The following MALT1 variants were observed in gnomAD, a reference collection of about 807,000 sequenced individuals.
The protein encoded by MALT1 is MALT1 paracaspase, also known as mucosa-associated lymphoid tissue lymphoma translocation protein 1.
In MALT1, 36 loss-of-function variants were observed where a neutral mutation model predicts 85.5. The observed-to-expected ratio is 0.42, with a 90% CI of 0.32 to 0.56. The LOEUF (loss-of-function observed/expected upper bound fraction) is 0.56, where lower values mean the gene tolerates loss of function less well. Among genes scored for constraint, MALT1 ranks in the 20% least tolerant of loss-of-function variants. The probability of loss-of-function intolerance (pLI) is 0.10; values close to 1 mark genes in which losing one functional copy is unlikely to be tolerated. For missense variants in MALT1, 716 were observed against 981.6 expected (o/e 0.73, Z 3.62); for synonymous variants, 359 against 361.3 (o/e 0.99, Z 0.07).
In MALT1 at chr18:58,680,929, C is replaced by CAAA. The variant is rs1165265799; in HGVS notation, c.210-217_210-215dup. ...TGGGCGACAGAGCGAGACTCCGTCT[C>CAAA]AAAAAAAAAAAAAAAAAAAAAAAAA... On this transcript the variant is annotated intron_variant, in intron 1 of 16. Coordinates refer to ENST00000649217, the MANE Select transcript of MALT1 (RefSeq NM_006785.4). Among the ~76,000 whole-genome samples the CAAA allele has an allele frequency of 1.8e-4, 12 of 67,220 alleles. 1 individual carries two copies. Among genetic ancestry groups the CAAA allele is most frequent in the East Asian group, 4.4e-4 (1 of 2,250 alleles). 44.1% of individuals were successfully genotyped at this position (67,220 alleles called of 152,430 possible).
At chr18:58,726,999 T>A (rs1471510940) in intron 10 of MALT1, among the ~76,000 whole-genome samples, 2 of 152,342 alleles carry the variant, frequency 1.3e-5, no homozygotes, top group Admixed American at 6.5e-5. Context: ...CTTTAACTTT[T>A]CTAAGCCAAA....
intron 1 of MALT1, among the ~76,000 whole-genome samples, chr18:58,676,358 C>T (rs2054239497): frequency 1.3e-5 from 2 of 151,936 alleles, no homozygotes; most frequent in South Asian, 4.1e-4. Flanking sequence ...TAGATAGACC[C>T]CATTAAAAAA....
chr18:58,672,152 A>AG (rs2054172940), intron 1 of MALT1: 1 of 271,970 alleles, frequency 3.7e-6, no homozygotes, highest in African/African-American at 2.3e-5. Flanking sequence ...TTGACCCCGG[A>AG]GGATAGTGAG....
intron 12 of MALT1, chr18:58,734,611 A>G (rs2055199688): frequency 4.3e-6 from 2 of 469,760 alleles, no homozygotes; most frequent in Admixed American, 3.3e-5. Flanking sequence ...TTGATTATAG[A>G]TTAGAGGCCT....
chr18:58,707,428 A>AT (rs1270259245), intron 4 of MALT1, among the ~76,000 whole-genome samples: 2 of 150,756 alleles, frequency 1.3e-5, no homozygotes, highest in Non-Finnish European at 3.0e-5. Context: ...ACATTAGAAA[A>AT]TTTTTTTTTA....
intron 3 of MALT1, among the ~76,000 whole-genome samples, chr18:58,699,586 G>A (rs1401933095): frequency 3.3e-5 from 5 of 152,170 alleles, no homozygotes; most frequent in African/African-American, 1.2e-4. Context: ...TGAAATATTT[G>A]CATTGTATAC....
At chr18:58,727,585 C>G (rs1341993153) in intron 10 of MALT1, among the ~76,000 whole-genome samples, 2 of 150,904 alleles carry the variant, frequency 1.3e-5, no homozygotes, top group Non-Finnish European at 2.9e-5. Flanking sequence ...AGGCGTGAGC[C>G]ACTGCACCCA....
chr18:58,718,281 A>C (rs145604825), intron 9 of MALT1, among the ~76,000 whole-genome samples: 2 of 152,338 alleles, frequency 1.3e-5, no homozygotes, highest in South Asian at 2.1e-4. Flanking sequence ...ATGGAATATC[A>C]GGTCAACTTC....
At chr18:58,705,686 G>A (rs2054741879) in intron 4 of MALT1, among the ~76,000 whole-genome samples, 1 of 151,024 alleles carries the variant, frequency 6.6e-6, no homozygotes, top group South Asian at 2.1e-4. Flanking sequence ...AGTATTCCAT[G>A]GTGTATATGT....
At chr18:58,686,458 G>A (rs762425386) in intron 2 of MALT1, among the ~76,000 whole-genome samples, 1 of 152,218 alleles carries the variant, frequency 6.6e-6, no homozygotes, top group Non-Finnish European at 1.5e-5. Context: ...GCAGAGCAGA[G>A]GCTGAACGAT....
chr18:58,732,799 T>C (rs1487348284), intron 10 of MALT1, among the ~76,000 whole-genome samples: 2 of 145,222 alleles, frequency 1.4e-5, no homozygotes, highest in Non-Finnish European at 3.0e-5. Flanking sequence ...AATTGTATTT[T>C]ATATTATACT....
intron 2 of MALT1, among the ~76,000 whole-genome samples, chr18:58,684,124 G>T (rs1167532489): frequency 6.6e-6 from 1 of 152,086 alleles, no homozygotes; most frequent in East Asian, 1.9e-4. Flanking sequence ...GTAGATACGG[G>T]GTTTTGCCAT....
At position 58,710,965 on chromosome 18, in the gene MALT1, CTT is replaced by C; in HGVS notation, c.958+14_958+15del. On this transcript the variant is annotated intron_variant, in intron 7 of 16. Coordinates refer to ENST00000649217, the MANE Select transcript of MALT1 (RefSeq NM_006785.4). ...GGAGTGCACTGAAGGTAGTGTAAGTCTTTGGTTTGAAACCAAATCTCCTGCAT... is the reference window on the plus strand; with the variant it reads ...GGAGTGCACTGAAGGTAGTGTAAGTCTGGTTTGAAACCAAATCTCCTGCAT... 1.9e-6 allele frequency: 3 copies of C among 1,563,200 alleles called. No homozygotes were observed. The highest frequency in any genetic ancestry group is 2.4e-5 in the East Asian group (1 of 41,210).
chr18:58,707,292 T>A (rs2054765320), intron 4 of MALT1, among the ~76,000 whole-genome samples: 1 of 152,070 alleles, frequency 6.6e-6, no homozygotes, highest in African/African-American at 2.4e-5. Context: ...TTTAAGATGT[T>A]TATCTTCGAA....
At chr18:58,744,306 C>CTACCAAAGTTGTTCTTATTGTTCTTTT in intron 14 of MALT1, 32 bp from the exon 15 acceptor site, 1 of 1,535,306 alleles carries the variant, frequency 6.5e-7, no homozygotes, top group East Asian at 2.3e-5. Context: ...ATCAGAAAAC[C>CTACCAAAGTTGTTCTTATTGTTCTTTT]TACCAAAGTT....
At position 58,752,298 on chromosome 18, in the gene MALT1, A is replaced by C. The variant is rs571428916; in HGVS notation, c.*4456A>C. 6.6e-6 allele frequency: 1 copy of C among 152,228 alleles called. No individual in the cohort carries two copies. Among genetic ancestry groups the C allele is most frequent in the East Asian group, 1.9e-4 (1 of 5,182 alleles). The allele number at this position is 152,228 out of a possible 1,614,324, so 9.4% of individuals were successfully genotyped here. On this transcript the variant is annotated 3_prime_UTR_variant, in exon 17 of 17. Coordinates refer to ENST00000649217, the MANE Select transcript of MALT1 (RefSeq NM_006785.4). ...GATAAAATCTGATGTATGTAATTTT[A>C]CTTTTAAGGGTTTTTTTCCAAACAG...
At chr18:58,724,686 C>A (rs2144428346) in intron 10 of MALT1, among the ~76,000 whole-genome samples, 1 of 152,168 alleles carries the variant, frequency 6.6e-6, no homozygotes, top group South Asian at 2.1e-4. Context: ...ATAAAATTAC[C>A]TTCAGGCTAT....
chr18:58,733,976 T>A, intron 11 of MALT1: 1 of 1,161,086 alleles, frequency 8.6e-7, no homozygotes, highest in Non-Finnish European at 1.1e-6. Flanking sequence ...AGCAGATGTT[T>A]GGAGGTTTGG....
At chr18:58,719,502 C>T (rs1029217058) in intron 9 of MALT1, among the ~76,000 whole-genome samples, 4 of 152,176 alleles carry the variant, frequency 2.6e-5, no homozygotes, top group South Asian at 2.1e-4. Context: ...TTCTTTATGT[C>T]GGGCTGGATC....
Sources: allele counts gnomAD v4.1 joint callset (sites outside exome capture counted in the v4.1 genomes callset), GRCh38; gene constraint gnomAD v4.1.1; transcripts MANE v1.5; gene names NCBI Gene and HGNC (gene_info 2026-07-23, HGNC 2026-07-21).